Variants in WDPCP observed in about 807,000 individuals in gnomAD.
WDPCP encodes WD repeat containing planar cell polarity effector.
In WDPCP, 71 loss-of-function variants were observed where a neutral mutation model predicts 93.1. The observed-to-expected ratio is 0.76, with a 90% CI of 0.63 to 0.93. The LOEUF (loss-of-function observed/expected upper bound fraction) is 0.93, where lower values mean the gene tolerates loss of function less well. Among genes scored for constraint, WDPCP ranks in the 40% least tolerant of loss-of-function variants. WDPCP has a pLI of 0.00. For missense variants in WDPCP, 844 were observed against 887.4 expected (o/e 0.95, Z 0.62); for synonymous variants, 315 against 315.0 (o/e 1.00, Z 0.00).
chr2:63,547,574 C>CACAT (rs1553429514), intron 1 of WDPCP, among the ~76,000 whole-genome samples: 27,404 of 151,146 alleles, frequency 0.18, 3,193 homozygotes, highest in Middle Eastern at 0.27. Flanking sequence ...CACACACACA[C>CACAT]ACATACACAC....
the WDPCP span, among the ~76,000 whole-genome samples, chr2:63,834,963 T>C: frequency 1.3e-5 from 2 of 152,170 alleles, no homozygotes; most frequent in African/African-American, 4.8e-5. Context: ...TAAAGCTTCA[T>C]CATTATTTTA....
chr2:63,351,961 A>G (rs1689660453), intron 12 of WDPCP, among the ~76,000 whole-genome samples: 1 of 152,194 alleles, frequency 6.6e-6, no homozygotes, highest in Non-Finnish European at 1.5e-5. Flanking sequence ...AATACCAGCC[A>G]TTCTGATTGG....
At chr2:63,373,017 G>A (rs184486406) in intron 12 of WDPCP, among the ~76,000 whole-genome samples, 9 of 152,102 alleles carry the variant, frequency 5.9e-5, no homozygotes, top group East Asian at 1.9e-4. Flanking sequence ...TAGCTACCTC[G>A]GAGGATGAGG....
chr2:63,730,713 G>C (rs1189313973), intron 2 of WDPCP, among the ~76,000 whole-genome samples: 1 of 151,974 alleles, frequency 6.6e-6, no homozygotes, highest in African/African-American at 2.4e-5. Context: ...CAATTCAAGA[G>C]CAAGAAAAGG....
At chr2:63,126,236 CACAA>C (rs1220683208) in intron 17 of WDPCP, among the ~76,000 whole-genome samples, 1 of 152,106 alleles carries the variant, frequency 6.6e-6, no homozygotes, top group Non-Finnish European at 1.5e-5. Flanking sequence ...ACCTGGGCTG[CACAA>C]ACATTCTTGA....
intron 9 of WDPCP, among the ~76,000 whole-genome samples, chr2:63,414,488 C>CACGT (rs1695262448): frequency 1.3e-5 from 2 of 151,944 alleles, no homozygotes; most frequent in African/African-American, 4.8e-5. Flanking sequence ...CACACACACA[C>CACGT]ACACACACAT....
At chr2:63,236,237 AC>A (rs1418601124) in intron 14 of WDPCP, among the ~76,000 whole-genome samples, 1 of 152,160 alleles carries the variant, frequency 6.6e-6, no homozygotes, top group Non-Finnish European at 1.5e-5. Flanking sequence ...TACAGTAGCC[AC>A]ACACAAAATA....
chr2:63,203,518 T>C (rs1676087009), intron 14 of WDPCP, among the ~76,000 whole-genome samples: 1 of 152,092 alleles, frequency 6.6e-6, no homozygotes, highest in African/African-American at 2.4e-5. Context: ...AATCCAATTA[T>C]GCTCTTTTAG....
At position 63,312,300 on chromosome 2, in the gene WDPCP, T is replaced by G. The variant is rs185866761; in HGVS notation, c.1812+948A>C. Among the ~76,000 whole-genome samples, 14 of 152,310 alleles carry G rather than the reference T, an allele frequency of 9.2e-5. No homozygotes were observed. In the East Asian group the frequency reaches 2.7e-3, roughly 29 times the overall value. On this transcript the variant is annotated intron_variant, in intron 13 of 17. Transcript: ENST00000272321. The stretch of plus-strand genomic sequence containing the variant: ...ATAATATTATCTAAAACATCAAAGC[T>G]TCATTTAAACTACAAAATGTCTTCA...
At position 63,595,517 on chromosome 2, in the gene WDPCP, A is replaced by G. The variant is rs377196579; in HGVS notation, n.488+55142T>C. On this transcript the variant is annotated intron_variant and non_coding_transcript_variant, in intron 3 of 4. Transcript: ENST00000467687. ...CAAGACTGTGCCCTTCCCCTCCTGA[A>G]AGGTGGGTTGGGGAGTAGAGAAGGG... is the stretch of plus-strand genomic sequence containing the variant. 54 of 1,591,072 alleles carry G rather than the reference A, an allele frequency of 3.4e-5. No individual in the cohort carries two copies. Among genetic ancestry groups the G allele is most frequent in the Non-Finnish European group, 4.3e-5 (50 of 1,159,136 alleles).
intron 12 of WDPCP, among the ~76,000 whole-genome samples, chr2:63,337,763 G>A (rs1688490536): frequency 6.6e-6 from 1 of 152,124 alleles, no homozygotes; most frequent in Admixed American, 6.5e-5. Context: ...ATGTTGAACA[G>A]TTTTTCCACA....
intron 2 of WDPCP, among the ~76,000 whole-genome samples, chr2:63,808,611 CG>C (rs1670808336): frequency 6.6e-6 from 1 of 152,214 alleles, no homozygotes; most frequent in Non-Finnish European, 1.5e-5. Context: ...CCCGAGGTGC[CG>C]GGATTGCAGA....
intron 2 of WDPCP, among the ~76,000 whole-genome samples, chr2:63,709,969 A>G (rs532258287): frequency 6.6e-6 from 1 of 152,250 alleles, no homozygotes; most frequent in African/African-American, 2.4e-5. Context: ...TAATTGTAGT[A>G]TCCTTACACT....
At chr2:63,615,371 G>A (rs1709661956) in intron 3 of WDPCP, among the ~76,000 whole-genome samples, 1 of 152,120 alleles carries the variant, frequency 6.6e-6, no homozygotes, top group African/African-American at 2.4e-5. Context: ...CACCGTGCGG[G>A]ATCTACCTCC....
the WDPCP span, among the ~76,000 whole-genome samples, chr2:63,833,481 T>C: frequency 6.6e-6 from 1 of 152,144 alleles, no homozygotes; most frequent in African/African-American, 2.4e-5. Flanking sequence ...TAGACACCAA[T>C]ATGCGAAAAC....
chr2:63,268,549 C>T (rs1682354575), intron 13 of WDPCP, among the ~76,000 whole-genome samples: 1 of 152,202 alleles, frequency 6.6e-6, no homozygotes, highest in Non-Finnish European at 1.5e-5. Flanking sequence ...TCATTGCAAC[C>T]TTGACCTCCA....
chr2:63,554,917 G>T (rs1705966498), intron 1 of WDPCP, among the ~76,000 whole-genome samples: 1 of 152,130 alleles, frequency 6.6e-6, no homozygotes, highest in Non-Finnish European at 1.5e-5. Flanking sequence ...CAGCCAAGAG[G>T]GGGTGAGAAA....
intron 12 of WDPCP, among the ~76,000 whole-genome samples, chr2:63,357,410 A>C (rs1690100257): frequency 6.6e-6 from 1 of 152,208 alleles, no homozygotes; most frequent in Non-Finnish European, 1.5e-5. Flanking sequence ...AAGGAACTTA[A>C]ATTTACAAGA....
At chr2:63,155,561 C>G (rs1672184267) in intron 15 of WDPCP, among the ~76,000 whole-genome samples, 1 of 152,102 alleles carries the variant, frequency 6.6e-6, no homozygotes. Context: ...ACCACAGTCC[C>G]TAGGCCAAAT....
Sources: gnomAD v4.1 joint callset for allele counts (sites outside exome capture counted in the v4.1 genomes callset) on GRCh38, gnomAD v4.1.1 for gene constraint, MANE v1.5 for transcripts, NCBI Gene and HGNC (gene_info 2026-07-23, HGNC 2026-07-21) for gene names.